Variants in PTPRD observed in about 807,000 individuals in gnomAD.
PTPRD encodes the protein receptor-type tyrosine-protein phosphatase delta.
In PTPRD, 34 loss-of-function variants were observed where a neutral mutation model predicts 214.5. That is an observed-to-expected ratio of 0.16 (90% CI 0.12 to 0.21). The LOEUF is 0.21. Ranked by LOEUF, PTPRD falls within the 10% of genes least tolerant of loss-of-function variation. The pLI, the probability that PTPRD is intolerant of heterozygous loss-of-function variation, is 1.00. For missense variants in PTPRD, 2,545 were observed against 2,398.7 expected (o/e 1.06, Z -1.27); for synonymous variants, 1,128 against 845.7 (o/e 1.33, Z -5.79).
intron 11 of PTPRD, among the ~76,000 whole-genome samples, chr9:8,808,703 A>G (rs1268353683): frequency 3.3e-5 from 5 of 152,060 alleles, no homozygotes; most frequent in Admixed American, 2.0e-4. Context: ...TTAATAAAAC[A>G]TGAAATGTAT....
chr9:8,368,740 C>CTATCATAG (rs2080675941), intron 39 of PTPRD, among the ~76,000 whole-genome samples: 1 of 106,244 alleles, frequency 9.4e-6, no homozygotes, highest in Non-Finnish European at 1.8e-5. Flanking sequence ...AGATATTTTT[C>CTATCATAG]TATCATAGGA....
intron 8 of PTPRD, among the ~76,000 whole-genome samples, chr9:9,464,449 A>G (rs947542083): frequency 2.0e-5 from 3 of 152,208 alleles, no homozygotes; most frequent in Non-Finnish European, 4.4e-5. Context: ...AAACAAAATT[A>G]TCATTAACTC....
At chr9:8,941,636 T>C (rs996831792) in intron 11 of PTPRD, among the ~76,000 whole-genome samples, 1 of 151,986 alleles carries the variant, frequency 6.6e-6, no homozygotes, top group African/African-American at 2.4e-5. Flanking sequence ...CCATGAAAAA[T>C]AAAAATATTA....
At chr9:8,859,005 A>T (rs867939280) in intron 11 of PTPRD, among the ~76,000 whole-genome samples, 51 of 152,290 alleles carry the variant, frequency 3.3e-4, no homozygotes, top group Middle Eastern at 6.8e-3. Context: ...GGAGGAAAAA[A>T]TGCTGGTCGC....
chr9:9,640,204 C>G (rs1428204835), intron 7 of PTPRD, among the ~76,000 whole-genome samples: 1 of 152,166 alleles, frequency 6.6e-6, no homozygotes, highest in Non-Finnish European at 1.5e-5. Context: ...AAGTGATGAT[C>G]TCAGTGGCAT....
At chr9:9,720,596 A>C (rs1426765592) in intron 7 of PTPRD, among the ~76,000 whole-genome samples, 1 of 152,138 alleles carries the variant, frequency 6.6e-6, no homozygotes, top group Non-Finnish European at 1.5e-5. Context: ...CGTGAATCTA[A>C]ATCCCATGCA....
chr9:9,276,530 C>G (rs1945713372), intron 9 of PTPRD, among the ~76,000 whole-genome samples: 1 of 151,390 alleles, frequency 6.6e-6, no homozygotes, highest in Admixed American at 6.6e-5. Context: ...AGCATGCAGT[C>G]CAACAACTTG....
At chr9:8,955,964 G>C (rs1323837507) in intron 11 of PTPRD, among the ~76,000 whole-genome samples, 1 of 151,650 alleles carries the variant, frequency 6.6e-6, no homozygotes, top group Admixed American at 6.6e-5. Flanking sequence ...ATACCCATTT[G>C]CTGAGTCCAA....
chr9:9,399,751 A>G (rs1349718723), intron 8 of PTPRD, among the ~76,000 whole-genome samples: 1 of 152,014 alleles, frequency 6.6e-6, no homozygotes, highest in Non-Finnish European at 1.5e-5. Flanking sequence ...GCTTGCTACC[A>G]TGCAAGACAT....
chr9:9,555,176 A>AT (rs1311662227), intron 8 of PTPRD, among the ~76,000 whole-genome samples: 4 of 152,022 alleles, frequency 2.6e-5, no homozygotes, highest in Non-Finnish European at 5.9e-5. Flanking sequence ...GAATATGTTC[A>AT]TTTTTTTACA....
At chr9:10,258,401 A>C (rs1007104342) in intron 3 of PTPRD, among the ~76,000 whole-genome samples, 1 of 152,188 alleles carries the variant, frequency 6.6e-6, no homozygotes, top group Non-Finnish European at 1.5e-5. Context: ...ACATAAGAGA[A>C]CAGAGGAACA....
At chr9:8,593,127 G>C (rs1282221269) in intron 14 of PTPRD, among the ~76,000 whole-genome samples, 3 of 152,170 alleles carry the variant, frequency 2.0e-5, no homozygotes, top group Non-Finnish European at 4.4e-5. Flanking sequence ...TCTTTGGAAA[G>C]TCATATTCTC....
intron 9 of PTPRD, among the ~76,000 whole-genome samples, chr9:9,231,057 G>C (rs1420537253): frequency 4.6e-5 from 7 of 151,966 alleles, no homozygotes; most frequent in Admixed American, 4.6e-4. Flanking sequence ...GTCTGTCGGG[G>C]GGAGGGGGGA....
At chr9:9,981,679 T>C (rs925198075) in intron 4 of PTPRD, among the ~76,000 whole-genome samples, 4 of 152,010 alleles carry the variant, frequency 2.6e-5, no homozygotes, top group Non-Finnish European at 4.4e-5. Flanking sequence ...ACATTCTTAA[T>C]ATGAGTGCAA....
chr9:8,882,432 G>A (rs1164350291), intron 11 of PTPRD, among the ~76,000 whole-genome samples: 2 of 152,166 alleles, frequency 1.3e-5, no homozygotes, highest in Non-Finnish European at 2.9e-5. Flanking sequence ...CAGGTCTTCT[G>A]ATCCTCACAA....
At chr9:9,964,068 G>A (rs1381152198) in intron 4 of PTPRD, among the ~76,000 whole-genome samples, 4 of 126,564 alleles carry the variant, frequency 3.2e-5, no homozygotes, top group Non-Finnish European at 6.6e-5. Flanking sequence ...AGGCAGAGAC[G>A]GAGGCAGAGA....
intron 5 of PTPRD, among the ~76,000 whole-genome samples, chr9:9,828,854 A>C (rs1020553218): frequency 2.0e-5 from 3 of 151,942 alleles, no homozygotes; most frequent in African/African-American, 7.2e-5. Flanking sequence ...TAACCACAAA[A>C]TGTATTAGAT....
At chr9:8,810,006 G>C (rs923323151) in intron 11 of PTPRD, among the ~76,000 whole-genome samples, 3 of 152,180 alleles carry the variant, frequency 2.0e-5, no homozygotes, top group African/African-American at 7.2e-5. Flanking sequence ...GTAAGACAAT[G>C]TGGGCCAATT....
At chr9:8,786,599 C>A (rs1017195946) in intron 11 of PTPRD, among the ~76,000 whole-genome samples, 3 of 150,268 alleles carry the variant, frequency 2.0e-5, no homozygotes, top group Non-Finnish European at 4.4e-5. Context: ...ATTTTTAGTA[C>A]AAACGGGGTT....
Sources: gnomAD v4.1 joint callset for allele counts (sites outside exome capture counted in the v4.1 genomes callset) on GRCh38, gnomAD v4.1.1 for gene constraint, MANE v1.5 for transcripts, NCBI Gene and HGNC (gene_info 2026-07-23, HGNC 2026-07-21) for gene names.